SPATA17: variants seen among roughly 807,000 people sequenced by gnomAD.
SPATA17 encodes spermatogenesis associated 17.
SPATA17 carries 53 observed loss-of-function variants against 62.2 expected under a neutral mutation model. That is an observed-to-expected ratio of 0.85 (90% confidence interval 0.68 to 1.07). SPATA17 has a LOEUF of 1.07. SPATA17 is among the 50% of genes least tolerant of loss of function. The probability of loss-of-function intolerance (pLI) is 0.00; values close to 1 mark genes in which losing one functional copy is unlikely to be tolerated. For synonymous variants in SPATA17, 146 were observed against 146.8 expected (o/e 0.99, Z 0.04); for missense variants, 466 against 425.5 (o/e 1.10, Z -0.84).
chr1:217,836,640 C>T (rs1342832783), intron 9 of SPATA17, among the ~76,000 whole-genome samples: 2 of 152,218 alleles, frequency 1.3e-5, no homozygotes, highest in Non-Finnish European at 2.9e-5. Flanking sequence ...TGGCCTATGG[C>T]TTCTCTTGTT....
intron 5 of SPATA17, among the ~76,000 whole-genome samples, chr1:217,703,906 C>G (rs1354581117): frequency 6.6e-6 from 1 of 151,962 alleles, no homozygotes; most frequent in Non-Finnish European, 1.5e-5. Flanking sequence ...TTGTTATTGT[C>G]TGCTGTTAAA....
chr1:217,718,853 A>G (rs1020183811), intron 5 of SPATA17, among the ~76,000 whole-genome samples: 9 of 152,198 alleles, frequency 5.9e-5, no homozygotes, highest in Admixed American at 1.3e-4. Context: ...AAACAAACAA[A>G]CAAACAAACA....
Position 217,782,254 on chromosome 1 carries a change from C to A in SPATA17, c.804C>A (p.Ile268=). 1.2e-6 allele frequency: 2 copies of A among 1,612,732 alleles called. No homozygotes were observed. Among genetic ancestry groups the A allele is most frequent in the Non-Finnish European group, 1.7e-6 (2 of 1,179,256 alleles). Residue 268 remains isoleucine (I), a synonymous_variant, in exon 8 of 11, where the codon ATC becomes ATA. Coordinates refer to ENST00000366933, the MANE Select transcript of SPATA17 (RefSeq NM_138796.4). ...CAACGTTGCGGGTGGCAGAACCAATCGATGAGTTAAAGTTGGCCAGAGAGG... is the reference window on the plus strand; with the variant it reads ...CAACGTTGCGGGTGGCAGAACCAATAGATGAGTTAAAGTTGGCCAGAGAGG... The part of the protein sequence containing the change: ...LEPTLRVAEP[I]DELKLAREEL...
At chr1:217,705,811 C>T (rs1379992724) in intron 5 of SPATA17, among the ~76,000 whole-genome samples, 1 of 152,082 alleles carries the variant, frequency 6.6e-6, no homozygotes, top group Non-Finnish European at 1.5e-5. Context: ...AGCATCTTAT[C>T]CAGAATGGTA....
At chr1:217,730,569 T>C (rs1167473111) in intron 5 of SPATA17, among the ~76,000 whole-genome samples, 1 of 152,192 alleles carries the variant, frequency 6.6e-6, no homozygotes, top group African/African-American at 2.4e-5. Flanking sequence ...GCAGTCTGAA[T>C]TTCAAATCCT....
intron 5 of SPATA17, among the ~76,000 whole-genome samples, chr1:217,693,407 G>A (rs1484950387): frequency 4.7e-4 from 56 of 119,044 alleles, no homozygotes; most frequent in Middle Eastern, 4.7e-3. Context: ...TCTTGCTAGC[G>A]GTCTATCAAT....
intron 1 of SPATA17, among the ~76,000 whole-genome samples, chr1:217,635,571 G>T (rs995635594): frequency 1.3e-5 from 2 of 151,990 alleles, no homozygotes; most frequent in African/African-American, 4.8e-5. Context: ...AGGGGTGGTG[G>T]TGCGCACCTG....
intron 5 of SPATA17, among the ~76,000 whole-genome samples, chr1:217,688,825 T>TG (rs1415637062): frequency 1.3e-5 from 2 of 152,148 alleles, no homozygotes; most frequent in Non-Finnish European, 2.9e-5. Flanking sequence ...CTTTATATTA[T>TG]GAAATCGGTG....
At position 217,741,985 on chromosome 1, in the gene SPATA17, G is replaced by A. The variant is rs1672634501; in HGVS notation, c.406G>A (p.Glu136Lys). The change falls in exon 6 of 11, where the codon GAG becomes AAG. Residue 136 changes from glutamate (E) to lysine (K), a missense_variant. Transcript: ENST00000366933. Reference sequence around the variant, plus strand: ...ATGGTTTTGATGCAGGAAGGCACTGGAGGAGTTTGCAGAAATGAAAGAAAG... The same window carrying A: ...ATGGTTTTGATGCAGGAAGGCACTGAAGGAGTTTGCAGAAATGAAAGAAAG... The part of the protein sequence containing the change: ...ETNDAIRKAL[E>K]EFAEMKEREE... 1.2e-6 allele frequency: 2 copies of A among 1,613,920 alleles called. No individual in the cohort carries two copies. Among genetic ancestry groups the A allele is most frequent in the Non-Finnish European group, 1.7e-6 (2 of 1,179,956 alleles).
At chr1:217,751,717 G>C (rs535537920) in intron 6 of SPATA17, among the ~76,000 whole-genome samples, 10 of 152,222 alleles carry the variant, frequency 6.6e-5, no homozygotes, top group African/African-American at 2.4e-4. Context: ...TTCCTTTTCT[G>C]CTCTTCTCCT....
At chr1:217,731,705 T>C (rs1339689238) in intron 5 of SPATA17, among the ~76,000 whole-genome samples, 1 of 152,130 alleles carries the variant, frequency 6.6e-6, no homozygotes, top group Admixed American at 6.5e-5. Flanking sequence ...CATTTTAGAG[T>C]ATATTCTTGG....
chr1:217,631,488 CT>C, intron 1 of SPATA17, 42 bp downstream of exon 1: 1 of 1,599,964 alleles, frequency 6.3e-7, no homozygotes, highest in Non-Finnish European at 8.6e-7. Flanking sequence ...GCGGGCGTGA[CT>C]TTATACCAGT....
intron 9 of SPATA17, among the ~76,000 whole-genome samples, chr1:217,803,202 G>A (rs926845013): frequency 5.3e-5 from 8 of 152,040 alleles, no homozygotes; most frequent in East Asian, 1.9e-4. Context: ...ATGAGCCACC[G>A]CACCCAGCCT....
At chr1:217,832,709 G>A (rs875872) in intron 9 of SPATA17, among the ~76,000 whole-genome samples, 44,479 of 150,942 alleles carry the variant, frequency 0.29, 7,738 homozygotes, top group Non-Finnish European at 0.38. Flanking sequence ...TTTGTAGGTC[G>A]AGGTGGGTGG....
At chr1:217,847,450 A>G (rs1446477059) in intron 9 of SPATA17, among the ~76,000 whole-genome samples, 1 of 152,056 alleles carries the variant, frequency 6.6e-6, no homozygotes, top group Non-Finnish European at 1.5e-5. Flanking sequence ...TAGTTGGGGG[A>G]AAGGACACTG....
chr1:217,703,259 C>A (rs1425375030), intron 5 of SPATA17, among the ~76,000 whole-genome samples: 4 of 150,120 alleles, frequency 2.7e-5, no homozygotes, highest in Non-Finnish European at 4.4e-5. Context: ...CAACCTCTAA[C>A]CCCCAGGTTC....
intron 6 of SPATA17, among the ~76,000 whole-genome samples, chr1:217,751,420 C>T (rs1672903757): frequency 6.6e-6 from 1 of 152,096 alleles, no homozygotes; most frequent in South Asian, 2.1e-4. Context: ...GAGGCAGGTC[C>T]TCAAGTCTGG....
chr1:217,664,274 C>G (rs1225909406), intron 3 of SPATA17, among the ~76,000 whole-genome samples: 1 of 148,532 alleles, frequency 6.7e-6, no homozygotes, highest in African/African-American at 2.5e-5. Context: ...AGACTTTAAC[C>G]TAGGTGTTAA....
In SPATA17 at chr1:217,837,771, A is replaced by G. The variant is rs565704999; in HGVS notation, c.1006-25003A>G. On this transcript the variant is annotated intron_variant, in intron 9 of 10. Transcript: ENST00000366933. ...GCTCATAATCTATATGCATTTCTTC[A>G]GGGCACATTTATTAAGAAAGAAGTA... is the stretch of plus-strand genomic sequence containing the variant. Among the ~76,000 whole-genome samples, 7 of 152,206 alleles carry G rather than the reference A, an allele frequency of 4.6e-5. 1 individual carries two copies. In the South Asian group the frequency reaches 1.5e-3, roughly 32 times the overall value.
Sources: gnomAD v4.1 joint callset for allele counts (sites outside exome capture counted in the v4.1 genomes callset) on GRCh38, gnomAD v4.1.1 for gene constraint, MANE v1.5 for transcripts, NCBI Gene and HGNC (gene_info 2026-07-23, HGNC 2026-07-21) for gene names.